TNFSF13B: variants seen among roughly 807,000 people sequenced by gnomAD.
The protein encoded by TNFSF13B is TNF superfamily member 13b.
In TNFSF13B, 8 loss-of-function variants were observed where a neutral mutation model predicts 29.1. That is an observed-to-expected ratio of 0.27 (90% confidence interval 0.16 to 0.50). TNFSF13B has a LOEUF of 0.50. Ranked by LOEUF, TNFSF13B falls within the 20% of genes least tolerant of loss-of-function variation. The pLI is 0.98. For synonymous variants in TNFSF13B, 125 were observed against 130.8 expected, an observed-to-expected ratio of 0.96 and a Z score of 0.30; for missense variants, 248 against 334.9, an observed-to-expected ratio of 0.74 and a Z score of 2.03.
chr13:108,283,947 T>C (rs922206846), intron 2 of TNFSF13B, among the ~76,000 whole-genome samples: 3 of 152,286 alleles, frequency 2.0e-5, no homozygotes, highest in South Asian at 4.1e-4. Context: ...CAGTTAGGTT[T>C]CAACATAGGA....
At chr13:108,289,605 AAT>A (rs1456016595) in intron 3 of TNFSF13B, among the ~76,000 whole-genome samples, 1 of 147,860 alleles carries the variant, frequency 6.8e-6, no homozygotes, top group Admixed American at 6.8e-5. Context: ...TATATATAAT[AAT>A]ATATTATTAT....
chr13:108,283,467 G>A (rs368858334), intron 2 of TNFSF13B, among the ~76,000 whole-genome samples: 1 of 152,154 alleles, frequency 6.6e-6, no homozygotes, highest in South Asian at 2.1e-4. Flanking sequence ...CTAAATGTTA[G>A]ATTTCTGCTA....
At chr13:108,305,070 G>C (rs1208441781) in intron 5 of TNFSF13B, among the ~76,000 whole-genome samples, 1 of 152,018 alleles carries the variant, frequency 6.6e-6, no homozygotes, top group Non-Finnish European at 1.5e-5. Context: ...GACTCTGCTA[G>C]ATTTCTTAAG....
At chr13:108,276,766 A>AT (rs139233720) in intron 2 of TNFSF13B, among the ~76,000 whole-genome samples, 3,276 of 151,890 alleles carry the variant, frequency 0.022, 101 homozygotes, top group African/African-American at 0.076. Flanking sequence ...ACTTTTGACT[A>AT]TTTTTTTTAA....
rs1256089819 is a variant in TNFSF13B, at chr13:108,298,320, A to G, written c.482-4933A>G. On this transcript the variant is annotated intron_variant, in intron 3 of 5. Transcript: ENST00000375887. ...AATAACGAAAAGTGAACAGATTATA[A>G]GAGACCCCCCAGGATACATTAAACT... 2.7e-5 allele frequency among the ~76,000 whole-genome samples: 4 copies of G among 145,482 alleles called. 1 individual carries two copies. Among genetic ancestry groups the G allele is most frequent in the Non-Finnish European group, 6.1e-5 (4 of 65,616 alleles).
rs57783091 is a variant in TNFSF13B at position 108,300,190 on chromosome 13, C to T, written c.482-3063C>T. 2.0e-5 allele frequency among the ~76,000 whole-genome samples: 3 copies of T among 152,028 alleles called. No homozygotes were observed. In the East Asian group the frequency reaches 5.8e-4, roughly 29 times the overall value. ...ATTTCAGTAACTTGGTATTAAAATGCTTTTAAAAAAACAATTGAATACCTG... is the reference window on the plus strand; with the variant it reads ...ATTTCAGTAACTTGGTATTAAAATGTTTTTAAAAAAACAATTGAATACCTG... On this transcript the variant is annotated intron_variant, in intron 3 of 5. Coordinates refer to ENST00000375887, the MANE Select transcript of TNFSF13B (RefSeq NM_006573.5).
In TNFSF13B at chr13:108,270,374, C is replaced by T; in HGVS notation, c.374C>T (p.Ser125Phe). 1 of 1,614,112 alleles carries T rather than the reference C, an allele frequency of 6.2e-7. No individual in the cohort carries two copies. Among genetic ancestry groups the T allele is most frequent in the South Asian group, 1.1e-5 (1 of 91,082 alleles). Residue 125 changes from serine to phenylalanine, a missense_variant, in exon 2 of 6, where the codon TCC becomes TTC. Around this residue, in one of 2 missense-constraint regions of TNFSF13B, gnomAD observed 186 missense variants for 196.3 expected, o/e 0.95. Transcript: ENST00000375887. ...FEPPAPGEGN[S>F]SQNSRNKRAV... ...CCACCAGCTCCAGGAGAAGGCAACT[C>T]CAGTCAGAACAGCAGAAATAAGCGT...
At chr13:108,298,325 C>A (rs1217170243) in intron 3 of TNFSF13B, among the ~76,000 whole-genome samples, 1 of 144,646 alleles carries the variant, frequency 6.9e-6, no homozygotes, top group Non-Finnish European at 1.5e-5. Context: ...TTATAAGAGA[C>A]CCCCCAGGAT....
At chr13:108,304,775 A>T (rs1340171564) in intron 5 of TNFSF13B, among the ~76,000 whole-genome samples, 1 of 152,170 alleles carries the variant, frequency 6.6e-6, no homozygotes, top group Non-Finnish European at 1.5e-5. Context: ...ACTAAGGAAA[A>T]TAGTTTCTAA....
intron 3 of TNFSF13B, among the ~76,000 whole-genome samples, chr13:108,300,176 T>C (rs189037432): frequency 6.6e-6 from 1 of 152,332 alleles, no homozygotes; most frequent in East Asian, 1.9e-4. Context: ...TTTCAGTAAC[T>C]TGGTATTAAA....
intron 2 of TNFSF13B, among the ~76,000 whole-genome samples, chr13:108,281,928 T>A (rs901058313): frequency 1.3e-5 from 2 of 152,186 alleles, no homozygotes; most frequent in Non-Finnish European, 2.9e-5. Flanking sequence ...TTTTTTTTTC[T>A]AGTTAACATT....
intron 3 of TNFSF13B, among the ~76,000 whole-genome samples, chr13:108,288,867 G>A (rs1016598211): frequency 1.3e-5 from 2 of 152,160 alleles, no homozygotes; most frequent in African/African-American, 4.8e-5. Flanking sequence ...TGAGGAATGG[G>A]CAAAACAACA....
chr13:108,286,795 C>T lies in TNFSF13B; in HGVS notation c.425-8C>T. ...AAGTAACTAAAATGATAAATTTTTG[C>T]TTTTTAGTCACTCAAGACTGCTTGC... On this transcript the variant is annotated splice_region_variant and splice_polypyrimidine_tract_variant and intron_variant, in intron 2 of 5. Transcript: ENST00000375887. The T allele has an allele frequency of 6.5e-7, 1 of 1,546,870 alleles. No homozygotes were observed. Among genetic ancestry groups the T allele is most frequent in the South Asian group, 1.2e-5 (1 of 83,754 alleles).
At chr13:108,301,854 T>C (rs1335694511) in intron 3 of TNFSF13B, among the ~76,000 whole-genome samples, 1 of 152,220 alleles carries the variant, frequency 6.6e-6, no homozygotes, top group Non-Finnish European at 1.5e-5. Context: ...ACTCAGTCAT[T>C]GCACAATGCC....
intron 3 of TNFSF13B, among the ~76,000 whole-genome samples, chr13:108,289,545 CATATTATATGTAATTAT>C (rs1182009143): frequency 1.4e-5 from 2 of 146,560 alleles, no homozygotes; most frequent in African/African-American, 5.0e-5. Flanking sequence ...ATATTATTAG[CATATTATATGTAATTAT>C]ATATTATATA....
intron 2 of TNFSF13B, among the ~76,000 whole-genome samples, chr13:108,273,800 G>A (rs1471278853): frequency 6.6e-6 from 1 of 152,052 alleles, no homozygotes. Context: ...TAGTGATGCT[G>A]GAAATGCTCC....
intron 3 of TNFSF13B, among the ~76,000 whole-genome samples, chr13:108,290,411 T>C (rs1046950170): frequency 3.9e-5 from 6 of 152,164 alleles, no homozygotes; most frequent in Non-Finnish European, 8.8e-5. Flanking sequence ...TTGACAGTTA[T>C]TGCTAAGTGG....
intron 2 of TNFSF13B, among the ~76,000 whole-genome samples, chr13:108,281,890 T>C (rs1169970521): frequency 6.6e-6 from 1 of 152,186 alleles, no homozygotes; most frequent in East Asian, 1.9e-4. Flanking sequence ...TTGTCAAATA[T>C]TAGGTCAATA....
intron 3 of TNFSF13B, among the ~76,000 whole-genome samples, chr13:108,300,518 T>C (rs1881590404): frequency 6.6e-6 from 1 of 152,212 alleles, no homozygotes; most frequent in Non-Finnish European, 1.5e-5. Flanking sequence ...GTAACTGTAT[T>C]AACTCTTCCT....
Sources: gnomAD v4.1 joint callset for allele counts (sites outside exome capture counted in the v4.1 genomes callset) on GRCh38, gnomAD v4.1.1 for gene constraint, gnomAD v4.1.1 regional missense constraint, MANE v1.5 for transcripts, NCBI Gene and HGNC (gene_info 2026-07-23, HGNC 2026-07-21) for gene names.